PLXNA2: variants seen among roughly 807,000 people sequenced by gnomAD.
PLXNA2 encodes plexin A2.
A neutral mutation model predicts 193.5 loss-of-function variants in PLXNA2; 91 were observed. That is an observed-to-expected ratio of 0.47 (90% CI 0.40 to 0.56). The LOEUF (loss-of-function observed/expected upper bound fraction) is 0.56, where lower values mean the gene tolerates loss of function less well. PLXNA2 is among the 20% of genes least tolerant of loss of function. The pLI, the probability that PLXNA2 is intolerant of heterozygous loss-of-function variation, is 0.00. For missense variants in PLXNA2, 1,995 were observed against 2,503.2 expected (o/e 0.80, Z 4.33); for synonymous variants, 997 against 1,027.3 (o/e 0.97, Z 0.56).
intron 9 of PLXNA2, among the ~76,000 whole-genome samples, chr1:208,085,940 C>T (rs576278671): frequency 6.6e-6 from 1 of 152,170 alleles, no homozygotes; most frequent in Admixed American, 6.5e-5. Context: ...TAGTTGATTA[C>T]CTCTTCTTTT....
At chr1:208,059,637 C>T (rs942076970) in intron 13 of PLXNA2, among the ~76,000 whole-genome samples, 2 of 152,186 alleles carry the variant, frequency 1.3e-5, no homozygotes, top group Admixed American at 1.3e-4. Context: ...TCTAATTCTG[C>T]CTCAGCCACT....
intron 3 of PLXNA2, among the ~76,000 whole-genome samples, chr1:208,195,341 T>TA (rs1670322439): frequency 6.6e-6 from 1 of 152,132 alleles, no homozygotes; most frequent in Non-Finnish European, 1.5e-5. Flanking sequence ...CCTCTAGCTT[T>TA]TGTGGAGATC....
intron 4 of PLXNA2, among the ~76,000 whole-genome samples, chr1:208,133,205 C>A (rs1668211716): frequency 6.6e-6 from 1 of 152,162 alleles, no homozygotes; most frequent in African/African-American, 2.4e-5. Flanking sequence ...AGGTCCCTTC[C>A]TGGTGGTATG....
intron 1 of PLXNA2, among the ~76,000 whole-genome samples, chr1:208,237,001 CT>C (rs1671878890): frequency 6.6e-6 from 1 of 152,202 alleles, no homozygotes; most frequent in Admixed American, 6.5e-5. Context: ...CATGACCTTC[CT>C]TTATAGGATT....
chr1:208,040,461 A>C lies in PLXNA2; in HGVS notation c.4287-403T>G, dbSNP rs187029390. Among the ~76,000 whole-genome samples the C allele has an allele frequency of 9.0e-4, 137 of 152,176 alleles. 3 individuals carry two copies. The highest frequency in any genetic ancestry group is 3.1e-3 in the African/African-American group (127 of 41,526). On this transcript the variant is annotated intron_variant, in intron 22 of 31. Coordinates refer to ENST00000367033, the MANE Select transcript of PLXNA2 (RefSeq NM_025179.4). ...TCCCAGTCCCTCTGGGCTTTCTTGC[A>C]TGTGTGAGTACCCTGTTTTGCCTAT...
At chr1:208,170,663 A>G (rs548257921) in intron 3 of PLXNA2, among the ~76,000 whole-genome samples, 1 of 152,354 alleles carries the variant, frequency 6.6e-6, no homozygotes, top group African/African-American at 2.4e-5. Context: ...TCATGACCCC[A>G]GTGTTATTCT....
intron 1 of PLXNA2, among the ~76,000 whole-genome samples, chr1:208,235,614 C>A (rs184617751): frequency 2.8e-4 from 42 of 152,292 alleles, no homozygotes; most frequent in African/African-American, 9.4e-4. Flanking sequence ...GGGTGAGCAC[C>A]GGTCAACAGG....
chr1:208,104,338 A>G (rs1406653096), intron 4 of PLXNA2, among the ~76,000 whole-genome samples: 1 of 152,196 alleles, frequency 6.6e-6, no homozygotes, highest in Non-Finnish European at 1.5e-5. Flanking sequence ...TCAGATGTCA[A>G]CGCTGTGGAG....
intron 3 of PLXNA2, among the ~76,000 whole-genome samples, chr1:208,162,305 G>A (rs910202995): frequency 2.6e-5 from 4 of 152,254 alleles, no homozygotes; most frequent in African/African-American, 9.6e-5. Context: ...CTTCTCCAAA[G>A]AGGAGGTAGA....
At position 208,240,624 on chromosome 1, in the gene PLXNA2, G is replaced by T. The variant is rs553470156; in HGVS notation, c.-81+3019C>A. ...TGGGGCGGTGGTGATTGGGGCTGAG[G>T]GGGGAACGCACACGAGCTGTAAAAC... On this transcript the variant is annotated intron_variant, in intron 1 of 31. Coordinates refer to ENST00000367033, the MANE Select transcript of PLXNA2 (RefSeq NM_025179.4). 1.2e-4 allele frequency among the ~76,000 whole-genome samples: 18 copies of T among 152,092 alleles called. No homozygotes were observed. The East Asian group carries it at 2.5e-3, about 21-fold the overall frequency.
At chr1:208,042,071 C>A in intron 22 of PLXNA2, 27 bp downstream of exon 22, 2 of 1,607,702 alleles carry the variant, frequency 1.2e-6, no homozygotes, top group Non-Finnish European at 1.7e-6. Context: ...TCCTGCCACC[C>A]TCTCCACCCA....
intron 4 of PLXNA2, among the ~76,000 whole-genome samples, chr1:208,129,020 G>A (rs1045443108): frequency 9.9e-5 from 15 of 152,188 alleles, no homozygotes; most frequent in Non-Finnish European, 1.6e-4. Flanking sequence ...TACCTACTAA[G>A]TACCAAATGC....
At position 208,217,760 on chromosome 1, in the gene PLXNA2, C is replaced by T. The variant is rs975879779; in HGVS notation, c.163G>A (p.Val55Ile). The T allele has an allele frequency of 9.9e-6, 16 of 1,614,150 alleles. No homozygotes were observed. In the African/African-American group the frequency reaches 1.1e-4, roughly 11 times the overall value. ...NRDWTFNHLT[V>I]HQGTGAVYVG... is the part of the protein sequence containing the mutation. The stretch of plus-strand genomic sequence containing the variant: ...TAGACGGCCCCCGTCCCTTGGTGGA[C>T]GGTCAAGTGGTTGAAGGTCCAGTCA... The change falls in exon 2 of 32, where the codon GTC (valine) becomes ATC (isoleucine). Residue 55 changes from valine (V) to isoleucine (I), a missense_variant. Val to Ile is a conservative substitution (Grantham distance 29, BLOSUM62 3). This residue lies in a region of PLXNA2 where 702 missense variants were observed against 812.9 expected (regional missense o/e 0.86). Coordinates refer to ENST00000367033, the MANE Select transcript of PLXNA2 (RefSeq NM_025179.4). The surrounding 1 kb of genome is among the most constrained non-coding windows in gnomAD (Gnocchi z 4.7).
chr1:208,169,251 G>A (rs1262531560), intron 3 of PLXNA2, among the ~76,000 whole-genome samples: 1 of 152,156 alleles, frequency 6.6e-6, no homozygotes, highest in Non-Finnish European at 1.5e-5. Context: ...GAGGTGACAG[G>A]CACACGTTGT....
intron 28 of PLXNA2, 21 bp from the exon 29 acceptor site, chr1:208,031,780 A>T (rs758125343): frequency 3.2e-6 from 5 of 1,562,354 alleles, no homozygotes; most frequent in Non-Finnish European, 8.7e-7. Context: ...GGTGGGGGAG[A>T]GTAAGATGGA....
chr1:208,124,357 C>T (rs562959640), intron 4 of PLXNA2, among the ~76,000 whole-genome samples: 12 of 152,152 alleles, frequency 7.9e-5, no homozygotes, highest in African/African-American at 2.7e-4. Context: ...CATATGTACC[C>T]CCGAACCTTA....
At position 208,038,241 on chromosome 1, in the gene PLXNA2, C is replaced by T. The variant is rs905302181; in HGVS notation, c.4764+130G>A. 2.9e-6 allele frequency: 2 copies of T among 697,392 alleles called. No individual in the cohort carries two copies. The highest frequency in any genetic ancestry group is 2.6e-6 in the Non-Finnish European group (1 of 382,792). 43.2% of individuals were successfully genotyped at this position (697,392 alleles called of 1,614,324 possible). ...GCAGCCATGGCTAAGAATCCCTGTT[C>T]TATGCTCCAGCAGGAGGAGGAAAGC... On this transcript the variant is annotated intron_variant, in intron 26 of 31. Coordinates refer to ENST00000367033, the MANE Select transcript of PLXNA2 (RefSeq NM_025179.4). The surrounding 1 kb of genome is among the most constrained non-coding windows in gnomAD (Gnocchi z 4.1).
intron 10 of PLXNA2, 43 bp downstream of exon 10, chr1:208,084,337 A>C: frequency 6.3e-7 from 1 of 1,599,260 alleles, no homozygotes; most frequent in Non-Finnish European, 8.6e-7. Flanking sequence ...CGAGTGTGAG[A>C]GGAAGCCCTG....
chr1:208,181,365 T>C (rs1333206979), intron 3 of PLXNA2, among the ~76,000 whole-genome samples: 1 of 152,130 alleles, frequency 6.6e-6, no homozygotes, highest in South Asian at 2.1e-4. Context: ...CCCTGAGGGG[T>C]GCAGCCTAGT....
Sources: allele counts gnomAD v4.1 joint callset (sites outside exome capture counted in the v4.1 genomes callset), GRCh38; gene constraint gnomAD v4.1.1; regional missense constraint gnomAD v4.1.1; non-coding constraint Gnocchi (gnomAD v3.1); transcripts MANE v1.5; gene names NCBI Gene and HGNC (gene_info 2026-07-23, HGNC 2026-07-21).